Variants in ATP10A observed in about 807,000 individuals in gnomAD.
ATP10A encodes the protein phospholipid-transporting ATPase VA.
In ATP10A, 111 loss-of-function variants were observed where a neutral mutation model predicts 147.8. The ratio of observed to expected loss-of-function variants is 0.75; its 90% CI spans 0.64 to 0.88. The LOEUF is 0.88. Among genes scored for constraint, ATP10A ranks in the 40% least tolerant of loss-of-function variants. The probability of loss-of-function intolerance (pLI) is 0.00; values close to 1 mark genes in which losing one functional copy is unlikely to be tolerated. For missense variants in ATP10A, 1,927 were observed against 1,959.0 expected (o/e 0.98, Z 0.31); for synonymous variants, 875 against 841.6 (o/e 1.04, Z -0.69).
intron 2 of ATP10A, among the ~76,000 whole-genome samples, chr15:25,736,520 C>T (rs1285597771): frequency 6.6e-6 from 1 of 152,160 alleles, no homozygotes; most frequent in Non-Finnish European, 1.5e-5. Flanking sequence ...AAGCAAATTC[C>T]ACCTGGAAAA....
At chr15:25,768,000 C>T (rs1489518893) in intron 2 of ATP10A, among the ~76,000 whole-genome samples, 3 of 152,334 alleles carry the variant, frequency 2.0e-5, no homozygotes, top group East Asian at 3.9e-4. Flanking sequence ...GTCCAACGGG[C>T]GCACCAGGGC....
intron 3 of ATP10A, among the ~76,000 whole-genome samples, chr15:25,734,423 C>T (rs1887145204): frequency 6.6e-6 from 1 of 152,166 alleles, no homozygotes; most frequent in African/African-American, 2.4e-5. Flanking sequence ...AGAGATTGCC[C>T]TCGCCCCACC....
chr15:25,856,675 T>G (rs1482884362), intron 1 of ATP10A, among the ~76,000 whole-genome samples: 1 of 152,288 alleles, frequency 6.6e-6, no homozygotes, highest in East Asian at 1.9e-4. Context: ...CATCAATGGC[T>G]GTCAACATCA....
In ATP10A at chr15:25,680,902, A is replaced by C. The variant is rs757684800; in HGVS notation, c.3586T>G (p.Ser1196Ala). 1.2e-5 allele frequency: 19 copies of C among 1,614,148 alleles called. No homozygotes were observed. In the South Asian group the frequency reaches 2.0e-4, roughly 17 times the overall value. ...FSIPYLAYYD[S>A]NVDLFTWGTP... ...CCCCAGGTAAACAGGTCCACGTTCG[A>C]GTCATAGTAGGCCTGAAAGACAGTG... Residue 1196 changes from serine to alanine, a missense_variant, in exon 19 of 21, where the codon TCG becomes GCG. Transcript: ENST00000555815.
chr15:25,752,785 T>A (rs1382575236), intron 2 of ATP10A, among the ~76,000 whole-genome samples: 2 of 152,174 alleles, frequency 1.3e-5, no homozygotes, highest in Non-Finnish European at 2.9e-5. Context: ...AATTTGCCTA[T>A]CCATGAACAT....
At chr15:25,755,377 T>A (rs963657217) in intron 2 of ATP10A, among the ~76,000 whole-genome samples, 1 of 152,136 alleles carries the variant, frequency 6.6e-6, no homozygotes, top group South Asian at 2.1e-4. Flanking sequence ...TTGAGAATGA[T>A]AGGAACCTGA....
chr15:25,677,246 T>C (rs529014084), downstream of ATP10A: 1 of 152,318 alleles, frequency 6.6e-6, no homozygotes, highest in African/African-American at 2.4e-5. Flanking sequence ...TTCGCCCCCA[T>C]ATTATGTTCA....
intron 13 of ATP10A, among the ~76,000 whole-genome samples, chr15:25,700,153 A>T (rs1275604680): frequency 4.6e-5 from 7 of 152,232 alleles, no homozygotes; most frequent in African/African-American, 1.7e-4. Flanking sequence ...ATTAGACACT[A>T]GTGAAATGCA....
At chr15:25,763,816 A>G (rs532001877) in intron 2 of ATP10A, among the ~76,000 whole-genome samples, 1 of 152,310 alleles carries the variant, frequency 6.6e-6, no homozygotes, top group East Asian at 1.9e-4. Flanking sequence ...CCCTAAAATT[A>G]TATCTATAGG....
At chr15:25,774,708 C>T (rs1211095588) in intron 2 of ATP10A, among the ~76,000 whole-genome samples, 3 of 151,998 alleles carry the variant, frequency 2.0e-5, no homozygotes, top group African/African-American at 4.8e-5. Context: ...AAATCTTCTT[C>T]GGGCCAAACT....
intron 1 of ATP10A, among the ~76,000 whole-genome samples, chr15:25,821,401 A>AAC (rs1555475461): frequency 7.8e-5 from 10 of 128,158 alleles, no homozygotes; most frequent in Admixed American, 1.4e-4. Flanking sequence ...AAAAAAAACA[A>AAC]AAAAAAAAAC....
At chr15:25,786,984 G>T (rs1890200874) in intron 1 of ATP10A, among the ~76,000 whole-genome samples, 1 of 151,946 alleles carries the variant, frequency 6.6e-6, no homozygotes, top group African/African-American at 2.4e-5. Context: ...GCAAAGCTGT[G>T]CTGGATATCC....
chr15:25,863,568 G>GA (rs1893875245), upstream of ATP10A: 1 of 152,438 alleles, frequency 6.6e-6, no homozygotes, highest in Non-Finnish European at 1.5e-5. Flanking sequence ...AGAGGAAACC[G>GA]CGAAGCGCGA....
chr15:25,798,869 C>A (rs933758689), intron 1 of ATP10A, among the ~76,000 whole-genome samples: 1 of 151,930 alleles, frequency 6.6e-6, no homozygotes, highest in Non-Finnish European at 1.5e-5. Flanking sequence ...CCCGCATCCA[C>A]CAGCCCGGTA....
At chr15:25,845,308 G>A (rs1026719285) in intron 1 of ATP10A, among the ~76,000 whole-genome samples, 18 of 140,358 alleles carry the variant, frequency 1.3e-4, no homozygotes, top group African/African-American at 4.4e-4. Flanking sequence ...AATCAGCACG[G>A]ACCGTTTGTG....
At chr15:25,694,394 C>T (rs769828077) in intron 14 of ATP10A, among the ~76,000 whole-genome samples, 11 of 152,242 alleles carry the variant, frequency 7.2e-5, no homozygotes, top group Non-Finnish European at 1.2e-4. Context: ...GCCCTTAGGG[C>T]GTTACAAAGC....
In ATP10A at chr15:25,678,972, C is replaced by G. The variant is rs376349144; in HGVS notation, c.*369G>C. 12 of 152,982 alleles carry G rather than the reference C, an allele frequency of 7.8e-5. No individual in the cohort carries two copies. Among genetic ancestry groups the G allele is most frequent in the African/African-American group, 2.9e-4 (12 of 41,578 alleles). The allele number at this position is 152,982 out of a possible 1,614,324, so 9.5% of individuals were successfully genotyped here. A position where few individuals can be genotyped will look rare whatever the true frequency, so the allele number is the denominator to read the frequency against. Reference sequence around the variant, plus strand: ...CTGCCATCTCTGCTCATTGTTCCCCCATGTTCACACCTGCCTGCATTAACC... The same window carrying G: ...CTGCCATCTCTGCTCATTGTTCCCCGATGTTCACACCTGCCTGCATTAACC... On this transcript the variant is annotated 3_prime_UTR_variant, in exon 21 of 21. Coordinates refer to ENST00000555815, the MANE Select transcript of ATP10A (RefSeq NM_024490.4).
At chr15:25,714,965 TACACACACACACAC>T (rs10523875) in intron 9 of ATP10A, among the ~76,000 whole-genome samples, 7 of 145,608 alleles carry the variant, frequency 4.8e-5, no homozygotes, top group Non-Finnish European at 7.6e-5. Flanking sequence ...ATGACACATA[TACACACACACACAC>T]ACACACACAC....
chr15:25,704,503 A>G (rs1900860602), intron 12 of ATP10A, among the ~76,000 whole-genome samples: 1 of 152,200 alleles, frequency 6.6e-6, no homozygotes, highest in East Asian at 1.9e-4. Flanking sequence ...TCCAGTACGG[A>G]GGGTGTCTGC....
Sources: allele counts gnomAD v4.1 joint callset (sites outside exome capture counted in the v4.1 genomes callset), GRCh38; gene constraint gnomAD v4.1.1; transcripts MANE v1.5; gene names NCBI Gene and HGNC (gene_info 2026-07-23, HGNC 2026-07-21).